The following FREM3 variants were observed in gnomAD, a reference collection of about 807,000 sequenced individuals.
FREM3 encodes the protein FRAS1-related extracellular matrix protein 3.
FREM3 carries 105 observed loss-of-function variants against 129.1 expected under a neutral mutation model. The ratio of observed to expected loss-of-function variants is 0.81; its 90% CI spans 0.69 to 0.96. FREM3 has a LOEUF of 0.96. Ranked by LOEUF, FREM3 falls within the 40% of genes least tolerant of loss-of-function variation. The pLI is 0.00. For missense variants in FREM3, 2,593 were observed against 2,666.3 expected (o/e 0.97, Z 0.61); for synonymous variants, 1,014 against 1,044.9 (o/e 0.97, Z 0.57).
intron 5 of FREM3, among the ~76,000 whole-genome samples, chr4:143,616,204 T>A (rs557451231): frequency 5.3e-5 from 8 of 152,332 alleles, no homozygotes; most frequent in African/African-American, 1.9e-4. Context: ...AGAGAATTAC[T>A]ACCAACCTAG....
intron 2 of FREM3, among the ~76,000 whole-genome samples, chr4:143,638,939 G>T (rs1294265114): frequency 1.3e-5 from 2 of 152,078 alleles, no homozygotes; most frequent in African/African-American, 4.8e-5. Context: ...TTTCATAGTC[G>T]ATCTTGTGAT....
intron 2 of FREM3, among the ~76,000 whole-genome samples, chr4:143,676,133 A>T (rs1221990008): frequency 6.6e-6 from 1 of 152,232 alleles, no homozygotes; most frequent in African/African-American, 2.4e-5. Context: ...ATTGATGCAA[A>T]AATCCTCAAT....
chr4:143,645,691 G>T (rs1739400817), intron 2 of FREM3, among the ~76,000 whole-genome samples: 1 of 152,116 alleles, frequency 6.6e-6, no homozygotes. Flanking sequence ...TTTTGTATCT[G>T]CTAGCCCCCA....
Position 143,585,881 on chromosome 4 carries a change from G to A in FREM3, c.6141C>T (p.Ala2047=), listed in dbSNP as rs149213002. Residue 2047 remains alanine, a synonymous_variant, in exon 7 of 8, where the codon GCC becomes GCT. Transcript: ENST00000329798. The surrounding 1 kb of genome is among the most constrained non-coding windows in gnomAD (Gnocchi z 4.2). ...CCTGCTCTGACTTTCTGGAGCGCAC[G>A]GCGATGGATGATGGTTGGGAAAGAT... is the stretch of plus-strand genomic sequence containing the variant. ...GTDLSQPSSI[A]VRSRKSEQES... 6.0e-4 allele frequency: 919 copies of A among 1,537,246 alleles called. 5 individuals are homozygous for A. In the African/African-American group the frequency reaches 9.1e-3, roughly 15 times the overall value.
intron 2 of FREM3, among the ~76,000 whole-genome samples, chr4:143,680,428 C>T (rs1740229202): frequency 6.6e-6 from 1 of 151,796 alleles, no homozygotes; most frequent in Non-Finnish European, 1.5e-5. Context: ...CTTCTAAGGC[C>T]CATAGACTTG....
chr4:143,678,424 G>A (rs1740188391), intron 2 of FREM3, among the ~76,000 whole-genome samples: 1 of 152,082 alleles, frequency 6.6e-6, no homozygotes, highest in South Asian at 2.1e-4. Context: ...ATAACATTAG[G>A]AGATATATCT....
At chr4:143,588,410 C>T (rs960085630) in intron 6 of FREM3, among the ~76,000 whole-genome samples, 4 of 145,664 alleles carry the variant, frequency 2.7e-5, no homozygotes, top group Non-Finnish European at 4.5e-5. Flanking sequence ...CACCCCACAA[C>T]AGGCCCCAGT....
Position 143,699,213 on chromosome 4 carries a change from G to A in FREM3, c.1463C>T (p.Ala488Val). 1 of 1,537,282 alleles carries A rather than the reference G, an allele frequency of 6.5e-7. No homozygotes were observed. The highest frequency in any genetic ancestry group is 8.7e-7 in the Non-Finnish European group (1 of 1,146,926). Residue 488 changes from alanine (A) to valine (V), a missense_variant, in exon 1 of 8, where the codon GCT becomes GTT. Transcript: ENST00000329798. The surrounding 1 kb of genome is among the most constrained non-coding windows in gnomAD (Gnocchi z 4.2). The part of the protein sequence containing the change: ...HGQLVVFGAP[A>V]GCKYFTPADL... ...CGCTGGTGTGAAATACTTGCACCCA[G>A]CAGGTGCCCCAAACACCACCAGCTG...
chr4:143,631,329 GTATTTATTTATT>G (rs112309816), intron 2 of FREM3, among the ~76,000 whole-genome samples: 6 of 151,594 alleles, frequency 4.0e-5, no homozygotes, highest in Non-Finnish European at 5.9e-5. Context: ...TTATAATGCT[GTATTTATTTATT>G]TATTTATTTA....
chr4:143,588,404 C>G (rs1416915758), intron 6 of FREM3, among the ~76,000 whole-genome samples: 1 of 151,664 alleles, frequency 6.6e-6, no homozygotes, highest in South Asian at 2.1e-4. Flanking sequence ...TCCCCCCACC[C>G]CACAACAGGC....
intron 2 of FREM3, among the ~76,000 whole-genome samples, chr4:143,679,119 C>T (rs182936878): frequency 6.6e-6 from 1 of 152,244 alleles, no homozygotes; most frequent in Non-Finnish European, 1.5e-5. Flanking sequence ...TAGCAGTCTT[C>T]TGGTCTCCAC....
At chr4:143,667,246 A>G (rs898532926) in intron 2 of FREM3, among the ~76,000 whole-genome samples, 2 of 152,192 alleles carry the variant, frequency 1.3e-5, no homozygotes, top group Non-Finnish European at 2.9e-5. Flanking sequence ...ACTATATTCT[A>G]TATACAGATC....
intron 2 of FREM3, among the ~76,000 whole-genome samples, chr4:143,669,192 G>C (rs1458548734): frequency 6.6e-6 from 1 of 152,206 alleles, no homozygotes; most frequent in Non-Finnish European, 1.5e-5. Flanking sequence ...CTAAGACTGA[G>C]AGGCCTGTGA....
rs144680566 is a variant in FREM3 at position 143,606,703 on chromosome 4, C to A, written c.6028+4576G>T. ...GGCAAACTGGACAAACCACTTAGTA[C>A]ATTTAGCTTCAACAACGAGGAGGCT... On this transcript the variant is annotated intron_variant, in intron 6 of 7. Coordinates refer to ENST00000329798, the MANE Select transcript of FREM3 (RefSeq NM_001168235.2). Among the ~76,000 whole-genome samples, 45 of 152,226 alleles carry A rather than the reference C, an allele frequency of 3.0e-4. No individual in the cohort carries two copies. In the East Asian group the frequency reaches 5.6e-3, roughly 19 times the overall value.
rs1343146339 is a variant in FREM3, at chr4:143,700,383, G to T, written c.293C>A (p.Thr98Lys). Residue 98 changes from threonine to lysine, a missense_variant, in exon 1 of 8, where the codon ACG becomes AAG. Thr to Lys is a moderately conservative substitution (Grantham distance 78). Around this residue, in one of 2 missense-constraint regions of FREM3, gnomAD observed 2,276 missense variants for 2,267.2 expected, o/e 1.00. Coordinates refer to ENST00000329798, the MANE Select transcript of FREM3 (RefSeq NM_001168235.2). ...GAGCCGCGGCAGGGCGTCCAGTACC[G>T]TGACTTCGCACCGGTCCCCCGGCTG... ...GVQPGDRCEVTVLDALPRLKG... is the reference protein window; with the variant it reads ...GVQPGDRCEVKVLDALPRLKG... The T allele has an allele frequency of 6.5e-7, 1 of 1,535,078 alleles. No individual in the cohort carries two copies. Among genetic ancestry groups the T allele is most frequent in the Non-Finnish European group, 8.7e-7 (1 of 1,146,160 alleles).
chr4:143,603,147 T>G (rs1476830793), intron 6 of FREM3, among the ~76,000 whole-genome samples: 7 of 152,146 alleles, frequency 4.6e-5, no homozygotes, highest in Admixed American at 4.6e-4. Flanking sequence ...TCATGTCTCT[T>G]GTGGGTCTGC....
Position 143,697,931 on chromosome 4 carries a change from GA to G in FREM3, c.2744del (p.Phe915SerfsTer5). ...GRDQTTTSDT[F>X]HLEVSDGVHH... ...GCACCCCATCACTTACTTCCAGATG[GA>G]AAGTGTCACTGGTAGTCGTCTGGTC... On this transcript the variant is annotated frameshift_variant, in exon 1 of 8. Transcript: ENST00000329798. LOFTEE classifies it high-confidence loss of function. The G allele has an allele frequency of 2.0e-6, 3 of 1,537,886 alleles. No homozygotes were observed. The South Asian group carries it at 3.6e-5, about 18-fold the overall frequency.
Position 143,700,273 on chromosome 4 carries a change from C to A in FREM3, c.403G>T (p.Gly135Ter), listed in dbSNP as rs749881088. The A allele has an allele frequency of 4.6e-6, 7 of 1,536,248 alleles. No homozygotes were observed. The highest frequency in any genetic ancestry group is 6.1e-6 in the Non-Finnish European group (7 of 1,146,758). ...QYTHFGSHSP[G>*]RARVLLQLRY... The stretch of plus-strand genomic sequence containing the variant: ...AGCTGCAGCAGCACCCGGGCGCGTC[C>A]GGGGCTGTGGGAGCCGAAGTGAGTG... The change falls in exon 1 of 8, where the codon GGA (glycine) becomes TGA (stop). Residue 135 changes from glycine (G) to a stop codon, truncating the protein, a stop_gained. Transcript: ENST00000329798. LOFTEE classifies it high-confidence loss of function.
chr4:143,613,605 G>T (rs1738797213), intron 5 of FREM3, among the ~76,000 whole-genome samples: 1 of 152,150 alleles, frequency 6.6e-6, no homozygotes. Flanking sequence ...AAGGAAAAAA[G>T]GTCTTAAGCT....
Sources: gnomAD v4.1 joint callset for allele counts (sites outside exome capture counted in the v4.1 genomes callset) on GRCh38, gnomAD v4.1.1 for gene constraint, gnomAD v4.1.1 regional missense constraint, Gnocchi (gnomAD v3.1) non-coding constraint, MANE v1.5 for transcripts, NCBI Gene and HGNC (gene_info 2026-07-23, HGNC 2026-07-21) for gene names.